Variants in AR observed in about 807,000 individuals in gnomAD.
AR encodes the protein androgen receptor, also known as dihydrotestosterone receptor.
A neutral mutation model predicts 53.9 loss-of-function variants in AR; 8 were observed. The observed-to-expected ratio is 0.15, with a 90% CI of 0.09 to 0.27. The LOEUF (loss-of-function observed/expected upper bound fraction) is 0.27. AR is among the 10% of genes least tolerant of loss of function. AR has a pLI of 1.00. For missense variants in AR, 639 were observed against 742.5 expected (o/e 0.86, Z 1.62); for synonymous variants, 359 against 316.4 (o/e 1.13, Z -1.43).
At chrX:67,670,521 T>C (rs1248255280) in intron 2 of AR, among the ~76,000 whole-genome samples, 1 of 106,551 alleles carries the variant, frequency 9.4e-6, no homozygotes, top group African/African-American at 3.4e-5. Context: ...ACTAATATAT[T>C]ATATATATAC....
intron 3 of AR, chrX:67,689,441 G>A: frequency 2.3e-6 from 1 of 429,792 alleles, no homozygotes; most frequent in Non-Finnish European, 3.2e-6. Context: ...TTTCTCTATA[G>A]TGTTTCATTC....
intron 1 of AR, among the ~76,000 whole-genome samples, chrX:67,631,383 A>T (rs1602208628): frequency 9.0e-6 from 1 of 110,879 alleles, no homozygotes; most frequent in Admixed American, 9.6e-5. Flanking sequence ...ACTTCATTTC[A>T]TTCATTTCAT....
chrX:67,655,377 A>G (rs1222802820), intron 2 of AR, among the ~76,000 whole-genome samples: 1 of 111,461 alleles, frequency 9.0e-6, no homozygotes, highest in African/African-American at 3.3e-5. Flanking sequence ...CCACCTGTGT[A>G]GCCTCTTCAA....
At chrX:67,653,692 C>G (rs1291228550) in intron 2 of AR, among the ~76,000 whole-genome samples, 1 of 110,962 alleles carries the variant, frequency 9.0e-6, no homozygotes, top group African/African-American at 3.3e-5. Flanking sequence ...CCATAGCTGC[C>G]CTAGGCTGGT....
At chrX:67,700,879 T>A (rs933843817) in intron 3 of AR, among the ~76,000 whole-genome samples, 2 of 112,146 alleles carry the variant, frequency 1.8e-5, no homozygotes, top group South Asian at 7.4e-4. Context: ...ATCTCACTGA[T>A]CTCACTGTCA....
intron 1 of AR, among the ~76,000 whole-genome samples, chrX:67,606,805 C>T (rs1923647227): frequency 8.9e-6 from 1 of 111,784 alleles, no homozygotes; most frequent in African/African-American, 3.3e-5. Flanking sequence ...GAGTAAAATA[C>T]AGAGAAGTGA....
chrX:67,717,012 A>T (rs1378065427), intron 4 of AR, among the ~76,000 whole-genome samples: 1 of 111,868 alleles, frequency 8.9e-6, no homozygotes, highest in Non-Finnish European at 1.9e-5. Context: ...GGAGATAATA[A>T]TAGTACTTAC....
intron 3 of AR, among the ~76,000 whole-genome samples, chrX:67,710,535 G>C (rs2076089740): frequency 9.1e-6 from 1 of 110,490 alleles, no homozygotes; most frequent in Admixed American, 9.6e-5. Flanking sequence ...GTCTTGTGGT[G>C]TTGCTCAGGC....
At chrX:67,572,769 T>C (rs1012065837) in intron 1 of AR, among the ~76,000 whole-genome samples, 1 of 111,626 alleles carries the variant, frequency 9.0e-6, no homozygotes, top group Non-Finnish European at 1.9e-5. Context: ...TAGGAAACTC[T>C]ACTGTGTATT....
At chrX:67,596,822 G>T (rs767437243) in intron 1 of AR, among the ~76,000 whole-genome samples, 1 of 112,330 alleles carries the variant, frequency 8.9e-6, no homozygotes, top group African/African-American at 3.2e-5. Context: ...AAGCAATAAA[G>T]TGTACCCTGA....
chrX:67,658,218 G>A, intron 2 of AR, among the ~76,000 whole-genome samples: 1 of 111,998 alleles, frequency 8.9e-6, no homozygotes. Context: ...TACAAGAGAA[G>A]TTCTGAAGAG....
intron 1 of AR, among the ~76,000 whole-genome samples, chrX:67,619,258 C>A (rs1924258133): frequency 9.0e-6 from 1 of 110,917 alleles, no homozygotes; most frequent in Non-Finnish European, 1.9e-5. Flanking sequence ...TGGAGAGGAT[C>A]AGACAGGAAG....
intron 1 of AR, among the ~76,000 whole-genome samples, chrX:67,615,756 G>A (rs1252266549): frequency 9.0e-6 from 1 of 111,408 alleles, no homozygotes; most frequent in Non-Finnish European, 1.9e-5. Context: ...AGGGGAGTGG[G>A]AATTAAGCTA....
At chrX:67,561,839 A>T (rs912806282) in intron 1 of AR, among the ~76,000 whole-genome samples, 5 of 109,934 alleles carry the variant, frequency 4.5e-5, no homozygotes, top group African/African-American at 1.7e-4. Flanking sequence ...CTGAAGGATT[A>T]TCATGGAATA....
intron 1 of AR, among the ~76,000 whole-genome samples, chrX:67,548,062 T>C (rs1310825824): frequency 1.8e-5 from 2 of 111,857 alleles, no homozygotes; most frequent in Non-Finnish European, 3.8e-5. Flanking sequence ...ACTTTTGTCT[T>C]ATTCTTTGTT....
chrX:67,624,904 C>CAAAAAAAAAAAA lies in AR; in HGVS notation c.1617-18333_1617-18322dup, dbSNP rs140323582. On this transcript the variant is annotated intron_variant, in intron 1 of 7. Coordinates refer to ENST00000374690, the MANE Select transcript of AR (RefSeq NM_000044.6). ...GTAGATTCAAGTCAAGGCAATTAGG[C>CAAAAAAAAAAAA]AAAAAAAAAAAAAAAAAAAAAAAAA... is the stretch of plus-strand genomic sequence containing the variant. Among the ~76,000 whole-genome samples, 7 of 18,185 alleles carry CAAAAAAAAAAAA rather than the reference C, an allele frequency of 3.8e-4. 1 individual carries two copies. Among genetic ancestry groups the CAAAAAAAAAAAA allele is most frequent in the African/African-American group, 1.8e-3 (5 of 2,841 alleles). 15.8% of individuals were successfully genotyped at this position (18,185 alleles called of 115,157 possible). A position where few individuals can be genotyped will look rare whatever the true frequency, so the allele number is the denominator to read the frequency against.
At chrX:67,596,419 A>C (rs971774844) in intron 1 of AR, among the ~76,000 whole-genome samples, 1 of 110,429 alleles carries the variant, frequency 9.1e-6, no homozygotes, top group African/African-American at 3.3e-5. Flanking sequence ...ATTGATATTT[A>C]CTCTTAAATT....
rs2076173847 is a variant in AR, at chrX:67,730,085, C to A, written c.*6244C>A. 2 of 175,340 alleles carry A rather than the reference C, an allele frequency of 1.1e-5. No individual in the cohort carries two copies. Among genetic ancestry groups the A allele is most frequent in the East Asian group, 1.6e-4 (2 of 12,424 alleles). The allele number at this position is 175,340 out of a possible 1,213,427, so 14.4% of individuals were successfully genotyped here. On this transcript the variant is annotated 3_prime_UTR_variant, in exon 8 of 8. Transcript: ENST00000374690. ...TAGGGAGTGCCTCAGACATGACATTCTTGTGCTGTCCTTGGAATTAATCTG... is the reference window on the plus strand; with the variant it reads ...TAGGGAGTGCCTCAGACATGACATTATTGTGCTGTCCTTGGAATTAATCTG...
intron 1 of AR, among the ~76,000 whole-genome samples, chrX:67,571,637 A>T (rs1057478593): frequency 7.2e-5 from 8 of 111,496 alleles, no homozygotes; most frequent in African/African-American, 2.6e-4. Flanking sequence ...TTTCATAAAT[A>T]TTTTGACCTA....
Sources: allele counts gnomAD v4.1 joint callset (sites outside exome capture counted in the v4.1 genomes callset), GRCh38; gene constraint gnomAD v4.1.1; transcripts MANE v1.5; gene names NCBI Gene and HGNC (gene_info 2026-07-23, HGNC 2026-07-21).